Variants in FHIT observed in about 807,000 individuals in gnomAD.
FHIT encodes the protein fragile histidine triad diadenosine triphosphatase.
FHIT carries 19 observed loss-of-function variants against 17.9 expected under a neutral mutation model. The observed-to-expected ratio is 1.06, with a 90% CI of 0.74 to 1.56. The LOEUF (loss-of-function observed/expected upper bound fraction) is 1.56. Among genes scored for constraint, FHIT ranks in the 40% most tolerant of loss-of-function variants. FHIT has a pLI of 0.00. For missense variants in FHIT, 248 were observed against 189.2 expected, an observed-to-expected ratio of 1.31 and a Z score of -1.82; for synonymous variants, 81 against 69.7, an observed-to-expected ratio of 1.16 and a Z score of -0.81.
At chr3:60,794,774 G>A (rs1553729715) in intron 4 of FHIT, among the ~76,000 whole-genome samples, 1 of 152,106 alleles carries the variant, frequency 6.6e-6, no homozygotes, top group African/African-American at 2.4e-5. Flanking sequence ...ATTCTGTGCT[G>A]TCTCTCTCAG....
Position 60,860,626 on chromosome 3 carries a change from T to C in FHIT, c.-110-38615A>G, listed in dbSNP as rs1434197040. ...TATATGATACATATGTACATATATATCAGGTATATATGATACATATGTACA... is the reference window on the plus strand; with the variant it reads ...TATATGATACATATGTACATATATACCAGGTATATATGATACATATGTACA... On this transcript the variant is annotated intron_variant, in intron 3 of 9. Transcript: ENST00000492590. Among the ~76,000 whole-genome samples, 31 of 96,142 alleles carry C rather than the reference T, an allele frequency of 3.2e-4. 6 individuals carry two copies. The highest frequency in any genetic ancestry group is 1.2e-3 in the African/African-American group (31 of 25,850). The allele number at this position is 96,142 out of a possible 152,430, so 63.1% of individuals were successfully genotyped here. A position where few individuals can be genotyped will look rare whatever the true frequency, so the allele number is the denominator to read the frequency against.
intron 3 of FHIT, among the ~76,000 whole-genome samples, chr3:60,849,121 T>C (rs1169049286): frequency 5.3e-5 from 8 of 152,110 alleles, no homozygotes; most frequent in African/African-American, 1.9e-4. Flanking sequence ...ACCATGTAAT[T>C]ATAACTAGAT....
At chr3:60,011,902 C>T (rs960659786) in intron 6 of FHIT, among the ~76,000 whole-genome samples, 1 of 152,166 alleles carries the variant, frequency 6.6e-6, no homozygotes, top group Non-Finnish European at 1.5e-5. Context: ...TAGCTGGACC[C>T]TTTTCCCAAA....
intron 4 of FHIT, chr3:60,618,092 G>A (rs966213973): frequency 6.4e-6 from 1 of 156,048 alleles, no homozygotes; most frequent in Non-Finnish European, 1.4e-5. Context: ...GAACACTGGG[G>A]AATTTTTGAA....
At chr3:61,142,275 T>G (rs1487810433) in intron 2 of FHIT, among the ~76,000 whole-genome samples, 1 of 151,594 alleles carries the variant, frequency 6.6e-6, no homozygotes, top group Non-Finnish European at 1.5e-5. Context: ...GGACTAAAAC[T>G]TTAGTCTGCT....
At chr3:60,048,629 G>A (rs962608200) in intron 5 of FHIT, among the ~76,000 whole-genome samples, 1 of 152,182 alleles carries the variant, frequency 6.6e-6, no homozygotes, top group Admixed American at 6.5e-5. Flanking sequence ...TGGGTGAATT[G>A]TAGGACTTCC....
intron 7 of FHIT, among the ~76,000 whole-genome samples, chr3:59,923,640 C>T (rs1705518565): frequency 6.6e-6 from 1 of 152,100 alleles, no homozygotes; most frequent in Non-Finnish European, 1.5e-5. Context: ...ACTTTTATTA[C>T]AAACCGTGGG....
intron 4 of FHIT, among the ~76,000 whole-genome samples, chr3:60,564,967 G>A (rs1698638931): frequency 2.0e-5 from 3 of 152,024 alleles, no homozygotes; most frequent in Admixed American, 2.0e-4. Flanking sequence ...TTCATTAAAG[G>A]AAGAATCAAT....
chr3:60,384,836 TAAA>T (rs5849358), intron 5 of FHIT, among the ~76,000 whole-genome samples: 25 of 135,496 alleles, frequency 1.8e-4, no homozygotes, highest in African/African-American at 4.2e-4. Context: ...TTCACATTAG[TAAA>T]AAAAAAAAAA....
At chr3:59,814,047 C>CACAT (rs748843159) in intron 8 of FHIT, among the ~76,000 whole-genome samples, 14 of 146,316 alleles carry the variant, frequency 9.6e-5, no homozygotes, top group Admixed American at 4.8e-4. Flanking sequence ...TTTACACATA[C>CACAT]ACACACACAC....
rs975545471 is a variant in FHIT at position 60,967,383 on chromosome 3, T to C, written c.-111+74664A>G. Among the ~76,000 whole-genome samples, 17 of 152,338 alleles carry C rather than the reference T, an allele frequency of 1.1e-4. No homozygotes were observed. The East Asian group carries it at 2.7e-3, about 24-fold the overall frequency. ...CAAGCATTGCAAATACCTAAGACTT[T>C]GGTGTATTGACTGCCTATCTGTCAA... is the stretch of plus-strand genomic sequence containing the variant. On this transcript the variant is annotated intron_variant, in intron 3 of 9. Coordinates refer to ENST00000492590, the MANE Select transcript of FHIT (RefSeq NM_002012.4).
intron 5 of FHIT, among the ~76,000 whole-genome samples, chr3:60,192,370 G>C (rs1702442078): frequency 1.3e-5 from 2 of 152,268 alleles, no homozygotes; most frequent in South Asian, 4.1e-4. Context: ...TGTAGGTTTA[G>C]GACTCAGCAT....
At chr3:61,017,756 C>A (rs1012344297) in intron 3 of FHIT, among the ~76,000 whole-genome samples, 5 of 152,184 alleles carry the variant, frequency 3.3e-5, no homozygotes, top group African/African-American at 9.7e-5. Context: ...GCATTATCTT[C>A]TTCCATAAAG....
chr3:60,333,502 T>C (rs1246439318), intron 5 of FHIT, among the ~76,000 whole-genome samples: 6 of 152,018 alleles, frequency 3.9e-5, no homozygotes, highest in African/African-American at 1.4e-4. Flanking sequence ...TACAAACCAA[T>C]TGAACTTTTA....
chr3:61,066,042 A>C (rs7622067), intron 2 of FHIT, among the ~76,000 whole-genome samples: 135,164 of 152,208 alleles, frequency 0.89, 61,480 homozygotes, highest in African/African-American at 0.98. Context: ...CTTGTGAAAG[A>C]CTTCTTGCTG....
At chr3:60,191,965 G>T (rs992205285) in intron 5 of FHIT, among the ~76,000 whole-genome samples, 4 of 152,120 alleles carry the variant, frequency 2.6e-5, no homozygotes, top group South Asian at 2.1e-4. Flanking sequence ...AAAGGTAAAA[G>T]GCTGGGTGTG....
intron 5 of FHIT, among the ~76,000 whole-genome samples, chr3:60,131,028 CAT>C (rs1491435652): frequency 9.0e-6 from 1 of 111,720 alleles, no homozygotes; most frequent in Non-Finnish European, 1.9e-5. Context: ...CACATATATA[CAT>C]ATGTGTATAT....
intron 4 of FHIT, among the ~76,000 whole-genome samples, chr3:60,574,828 C>A (rs975067601): frequency 6.6e-6 from 1 of 151,910 alleles, no homozygotes; most frequent in South Asian, 2.1e-4. Flanking sequence ...ACGATCCCAG[C>A]CTTCCCAGAC....
At chr3:60,270,786 A>G (rs371425321) in intron 5 of FHIT, among the ~76,000 whole-genome samples, 1 of 152,310 alleles carries the variant, frequency 6.6e-6, no homozygotes, top group South Asian at 2.1e-4. Flanking sequence ...TAATGGCAAA[A>G]AGAGAAAGAA....
Sources: gnomAD v4.1 joint callset for allele counts (sites outside exome capture counted in the v4.1 genomes callset) on GRCh38, gnomAD v4.1.1 for gene constraint, MANE v1.5 for transcripts, NCBI Gene and HGNC (gene_info 2026-07-23, HGNC 2026-07-21) for gene names.